MARCHF5: variants seen among roughly 807,000 people sequenced by gnomAD.
MARCHF5 encodes the protein E3 ubiquitin-protein ligase MARCHF5.
In MARCHF5, 5 loss-of-function variants were observed where a neutral mutation model predicts 36.5. The ratio of observed to expected loss-of-function variants is 0.14; its 90% CI spans 0.07 to 0.29. The LOEUF (loss-of-function observed/expected upper bound fraction) is 0.29, where lower values mean the gene tolerates loss of function less well. Ranked by LOEUF, MARCHF5 falls within the 10% of genes least tolerant of loss-of-function variation. The probability of loss-of-function intolerance (pLI) is 1.00; values close to 1 mark genes in which losing one functional copy is unlikely to be tolerated. For missense variants in MARCHF5, 179 were observed against 336.3 expected (o/e 0.53, Z 3.66); for synonymous variants, 103 against 109.9 (o/e 0.94, Z 0.39).
chr10:92,327,174 C>T (rs1222911934), intron 2 of MARCHF5, among the ~76,000 whole-genome samples: 1 of 152,018 alleles, frequency 6.6e-6, no homozygotes, highest in Non-Finnish European at 1.5e-5. Context: ...AACTTTAACA[C>T]TTTTACCACT....
At chr10:92,294,062 A>G (rs1842922474) in intron 1 of MARCHF5, among the ~76,000 whole-genome samples, 1 of 152,068 alleles carries the variant, frequency 6.6e-6, no homozygotes, top group Non-Finnish European at 1.5e-5. Context: ...AATAAGATCA[A>G]AAATTTCTGT....
chr10:92,349,297 A>T (rs775782078), intron 3 of MARCHF5, 52 bp from the exon 4 acceptor site: 33 of 1,338,948 alleles, frequency 2.5e-5, no homozygotes, highest in Non-Finnish European at 3.3e-5. Context: ...CTTAACATGC[A>T]ACACCTCATT....
intron 3 of MARCHF5, among the ~76,000 whole-genome samples, chr10:92,343,469 T>G (rs1271594638): frequency 6.6e-6 from 1 of 152,236 alleles, no homozygotes; most frequent in Admixed American, 6.5e-5. Flanking sequence ...GGAGGTAATT[T>G]CCTTGAAAGC....
intron 1 of MARCHF5, among the ~76,000 whole-genome samples, chr10:92,306,750 A>T (rs1457148013): frequency 6.6e-6 from 1 of 152,166 alleles, no homozygotes; most frequent in East Asian, 1.9e-4. Flanking sequence ...GCAGTGGCTC[A>T]TGACTGTAAT....
chr10:92,326,633 T>C (rs566875109), intron 2 of MARCHF5, among the ~76,000 whole-genome samples: 35 of 152,270 alleles, frequency 2.3e-4, no homozygotes, highest in South Asian at 6.2e-4. Flanking sequence ...GAAAGACAAG[T>C]GTATTGCCAA....
At chr10:92,325,417 C>T (rs1014155215) in intron 2 of MARCHF5, among the ~76,000 whole-genome samples, 1 of 152,126 alleles carries the variant, frequency 6.6e-6, no homozygotes, top group African/African-American at 2.4e-5. Context: ...TGGTTCCATA[C>T]GTCTTTGCTT....
chr10:92,327,821 T>G (rs893684207), intron 2 of MARCHF5, among the ~76,000 whole-genome samples: 5 of 151,784 alleles, frequency 3.3e-5, no homozygotes, highest in African/African-American at 9.7e-5. Context: ...TGAGAAGAGA[T>G]AAACAGGGCG....
intron 2 of MARCHF5, among the ~76,000 whole-genome samples, chr10:92,336,944 A>G (rs9943333): frequency 0.66 from 100,596 of 151,820 alleles, 34,730 homozygotes; most frequent in African/African-American, 0.85. Context: ...GCAACGTGGC[A>G]AAACCTCATC....
At chr10:92,309,616 G>A (rs1480377514) in intron 1 of MARCHF5, among the ~76,000 whole-genome samples, 1 of 151,944 alleles carries the variant, frequency 6.6e-6, no homozygotes, top group Non-Finnish European at 1.5e-5. Flanking sequence ...CTCAGTTGTG[G>A]GGAAAAATAT....
chr10:92,340,445 G>A (rs1843565806), intron 2 of MARCHF5, among the ~76,000 whole-genome samples: 1 of 152,190 alleles, frequency 6.6e-6, no homozygotes, highest in Non-Finnish European at 1.5e-5. Context: ...AGTAGCTCAT[G>A]CCTGTAATCC....
chr10:92,327,238 A>G (rs1206646291), intron 2 of MARCHF5, among the ~76,000 whole-genome samples: 1 of 151,640 alleles, frequency 6.6e-6, no homozygotes, highest in Admixed American at 6.6e-5. Flanking sequence ...CTAGAGGGCA[A>G]GGTTGCCTAA....
chr10:92,303,504 G>A (rs889683442), intron 1 of MARCHF5, among the ~76,000 whole-genome samples: 2 of 151,726 alleles, frequency 1.3e-5, no homozygotes, highest in African/African-American at 4.8e-5. Flanking sequence ...ACTTTTCTTG[G>A]CACTTAATGC....
intron 1 of MARCHF5, among the ~76,000 whole-genome samples, chr10:92,294,706 G>A (rs762823303): frequency 3.3e-5 from 5 of 152,176 alleles, no homozygotes; most frequent in Admixed American, 6.6e-5. Context: ...AAGGAACTGT[G>A]TGTTACATAT....
chr10:92,316,173 C>T (rs1447648040), intron 2 of MARCHF5, among the ~76,000 whole-genome samples: 1 of 151,550 alleles, frequency 6.6e-6, no homozygotes, highest in Non-Finnish European at 1.5e-5. Flanking sequence ...TTTTTTTTAA[C>T]TTTTCAAATG....
chr10:92,336,632 T>C (rs765424828), intron 2 of MARCHF5, among the ~76,000 whole-genome samples: 7 of 151,978 alleles, frequency 4.6e-5, no homozygotes, highest in Admixed American at 1.3e-4. Flanking sequence ...GTGGGCTTCA[T>C]TGAGGTCAAG....
intron 2 of MARCHF5, among the ~76,000 whole-genome samples, chr10:92,330,202 T>C (rs1458091662): frequency 6.6e-6 from 1 of 152,196 alleles, no homozygotes; most frequent in Non-Finnish European, 1.5e-5. Flanking sequence ...ATGACTAGGA[T>C]ACCTTCAGAA....
At chr10:92,341,505 T>C (rs1006130743) in intron 3 of MARCHF5, among the ~76,000 whole-genome samples, 5 of 152,162 alleles carry the variant, frequency 3.3e-5, no homozygotes, top group African/African-American at 9.7e-5. Context: ...TGCTGAATAT[T>C]AGAGAGACAT....
At chr10:92,319,297 CTT>C (rs35540447) in intron 2 of MARCHF5, among the ~76,000 whole-genome samples, 11 of 142,356 alleles carry the variant, frequency 7.7e-5, no homozygotes, top group Admixed American at 7.0e-5. Flanking sequence ...ATCTACTTTA[CTT>C]TTTTTTTTTT....
chr10:92,299,918 T>A (rs1842992319), intron 1 of MARCHF5, among the ~76,000 whole-genome samples: 2 of 152,162 alleles, frequency 1.3e-5, no homozygotes, highest in Admixed American at 1.3e-4. Flanking sequence ...GCTGGGCACT[T>A]TGGGAGGCTG....
Sources: allele counts gnomAD v4.1 joint callset (sites outside exome capture counted in the v4.1 genomes callset), GRCh38; gene constraint gnomAD v4.1.1; transcripts MANE v1.5; gene names NCBI Gene and HGNC (gene_info 2026-07-23, HGNC 2026-07-21).